Variants in PLCE1 observed in about 807,000 individuals in gnomAD.
PLCE1 encodes phospholipase C epsilon 1.
Under a neutral mutation model 242.8 loss-of-function variants are expected in PLCE1, and 119 were observed. That is an observed-to-expected ratio of 0.49 (90% CI 0.42 to 0.57). The LOEUF is 0.57. PLCE1 is among the 20% of genes least tolerant of loss of function. The pLI, the probability that PLCE1 is intolerant of heterozygous loss-of-function variation, is 0.00. For synonymous variants in PLCE1, 945 were observed against 1,017.4 expected (o/e 0.93, Z 1.35); for missense variants, 2,441 against 2,788.8 (o/e 0.88, Z 2.81).
At chr10:94,294,306 TAATA>T (rs760510069) in intron 23 of PLCE1, among the ~76,000 whole-genome samples, 40 of 152,276 alleles carry the variant, frequency 2.6e-4, no homozygotes, top group East Asian at 1.4e-3. Context: ...ATTATGAAAG[TAATA>T]AATTCTTGTA....
intron 14 of PLCE1, among the ~76,000 whole-genome samples, chr10:94,264,753 C>G (rs1338713844): frequency 1.3e-5 from 2 of 151,944 alleles, no homozygotes; most frequent in East Asian, 3.9e-4. Flanking sequence ...AACTCCTGAC[C>G]TCGTGATCCA....
At chr10:94,122,398 C>T (rs1245276380) in intron 2 of PLCE1, among the ~76,000 whole-genome samples, 1 of 152,160 alleles carries the variant, frequency 6.6e-6, no homozygotes, top group African/African-American at 2.4e-5. Flanking sequence ...CCTTGGCAGC[C>T]AGGTTTTCTC....
At chr10:94,289,706 C>T (rs1381504737) in intron 22 of PLCE1, among the ~76,000 whole-genome samples, 3 of 152,216 alleles carry the variant, frequency 2.0e-5, no homozygotes, top group Admixed American at 2.0e-4. Context: ...TAAAATGGTA[C>T]ATCTGTATAG....
At chr10:94,190,301 G>GT (rs1168818849) in intron 4 of PLCE1, among the ~76,000 whole-genome samples, 2 of 151,928 alleles carry the variant, frequency 1.3e-5, no homozygotes, top group Non-Finnish European at 1.5e-5. Flanking sequence ...AATTAATTAC[G>GT]TTTTTTTAAA....
chr10:94,008,299 T>G (rs1297816174), intron 1 of PLCE1, among the ~76,000 whole-genome samples: 2 of 151,050 alleles, frequency 1.3e-5, no homozygotes, highest in Non-Finnish European at 2.9e-5. Context: ...TGGGTACAAA[T>G]GTACCATATT....
At chr10:94,007,136 A>C (rs183988451) in intron 1 of PLCE1, among the ~76,000 whole-genome samples, 1 of 152,276 alleles carries the variant, frequency 6.6e-6, no homozygotes, top group East Asian at 1.9e-4. Context: ...GTTCATAGGA[A>C]GGAGGAAGTT....
intron 2 of PLCE1, among the ~76,000 whole-genome samples, chr10:94,045,021 G>T (rs926062463): frequency 6.6e-6 from 1 of 151,988 alleles, no homozygotes; most frequent in Admixed American, 6.6e-5. Context: ...TTTCTTTAGA[G>T]ACAGGGTCTT....
rs2044353147 is a variant in PLCE1, at chr10:94,071,495, G to GTTTTTTTTTTTTGT, written c.1206+39255_1206+39256insGTTTTTTTTTTTTT. Among the ~76,000 whole-genome samples the GTTTTTTTTTTTTGT allele has an allele frequency of 6.2e-4, 52 of 83,298 alleles. 8 individuals carry two copies. The highest frequency in any genetic ancestry group is 2.1e-3 in the African/African-American group (40 of 18,666). 54.6% of individuals were successfully genotyped at this position (83,298 alleles called of 152,430 possible). A position where few individuals can be genotyped will look rare whatever the true frequency, so the allele number is the denominator to read the frequency against. On this transcript the variant is annotated intron_variant, in intron 2 of 32. Coordinates refer to ENST00000371380, the MANE Select transcript of PLCE1 (RefSeq NM_016341.4). ...GTCTGTGTGTGTGTGTTTGGTTTTCGTTTTTTTTTTTTTTTTTTTTTGAGT... is the reference window on the plus strand; with the variant it reads ...GTCTGTGTGTGTGTGTTTGGTTTTCGTTTTTTTTTTTTGTTTTTTTTTTTTTTTTTTTTTTGAGT...
intron 4 of PLCE1, among the ~76,000 whole-genome samples, chr10:94,180,365 G>A (rs1438130140): frequency 1.3e-5 from 2 of 152,108 alleles, no homozygotes; most frequent in East Asian, 3.9e-4. Flanking sequence ...GAAATAGGGA[G>A]GACAACAGCA....
At chr10:94,106,910 G>GTTTCTC (rs1554855377) in intron 2 of PLCE1, among the ~76,000 whole-genome samples, 65 of 11,500 alleles carry the variant, frequency 5.7e-3, no homozygotes, top group Non-Finnish European at 0.018. Flanking sequence ...GTTGTCTCTT[G>GTTTCTC]TTTCTCTCTC....
At chr10:94,191,418 G>T (rs2048662891) in intron 4 of PLCE1, among the ~76,000 whole-genome samples, 1 of 152,144 alleles carries the variant, frequency 6.6e-6, no homozygotes, top group South Asian at 2.1e-4. Context: ...AAGGCAGGAG[G>T]ATCACTTGTG....
At chr10:94,207,718 G>A (rs2136894423) in intron 4 of PLCE1, among the ~76,000 whole-genome samples, 1 of 152,256 alleles carries the variant, frequency 6.6e-6, no homozygotes, top group African/African-American at 2.4e-5. Context: ...CATGGCTGGG[G>A]AAGGGAAAAT....
intron 28 of PLCE1, 118 bp from the exon 29 acceptor site, chr10:94,316,429 A>C: frequency 1.4e-6 from 1 of 700,818 alleles, no homozygotes; most frequent in Non-Finnish European, 2.6e-6. Context: ...AGAATTATGC[A>C]ATACTCTAGA....
chr10:94,140,027 C>T (rs2135993585), intron 3 of PLCE1, among the ~76,000 whole-genome samples: 1 of 151,770 alleles, frequency 6.6e-6, no homozygotes, highest in East Asian at 1.9e-4. Flanking sequence ...TTTTGTGAGA[C>T]TTTGTAATAA....
intron 1 of PLCE1, among the ~76,000 whole-genome samples, chr10:94,022,641 T>G (rs2061392640): frequency 6.6e-6 from 1 of 152,054 alleles, no homozygotes; most frequent in Non-Finnish European, 1.5e-5. Context: ...AGGCCCCCCT[T>G]TTTTTAAGAA....
At chr10:94,279,982 A>T in intron 20 of PLCE1, 71 bp downstream of exon 20, 1 of 1,534,050 alleles carries the variant, frequency 6.5e-7, no homozygotes, top group African/African-American at 1.4e-5. Context: ...TTCTTTCTAA[A>T]ATAAGTCTAG....
intron 2 of PLCE1, among the ~76,000 whole-genome samples, chr10:94,036,853 T>C (rs996998007): frequency 1.3e-5 from 2 of 152,318 alleles, no homozygotes; most frequent in Non-Finnish European, 2.9e-5. Context: ...ACTCAGAGAA[T>C]GTGAAGGTGC....
intron 22 of PLCE1, chr10:94,287,609 G>A (rs1251889359): frequency 6.6e-6 from 1 of 152,012 alleles, no homozygotes; most frequent in Non-Finnish European, 1.5e-5. Flanking sequence ...CAGCTCCCAG[G>A]GGTGGGCTCT....
chr10:94,041,764 C>T (rs1237304902), intron 2 of PLCE1, among the ~76,000 whole-genome samples: 3 of 152,000 alleles, frequency 2.0e-5, no homozygotes, highest in East Asian at 3.9e-4. Flanking sequence ...AGCATGCTGT[C>T]GTTGTAAGTT....
Sources: gnomAD v4.1 joint callset for allele counts (sites outside exome capture counted in the v4.1 genomes callset) on GRCh38, gnomAD v4.1.1 for gene constraint, MANE v1.5 for transcripts, NCBI Gene and HGNC (gene_info 2026-07-23, HGNC 2026-07-21) for gene names.